ANKRD6: variants seen among roughly 807,000 people sequenced by gnomAD.
ANKRD6 encodes the protein ankyrin repeat domain 6, also known as ankyrin repeat domain-containing protein 6.
Under a neutral mutation model 82.3 loss-of-function variants are expected in ANKRD6, and 56 were observed. The observed-to-expected ratio is 0.68, with a 90% CI of 0.55 to 0.85. The LOEUF (loss-of-function observed/expected upper bound fraction) is 0.85, where lower values mean the gene tolerates loss of function less well. Among genes scored for constraint, ANKRD6 ranks in the 40% least tolerant of loss-of-function variants. The pLI, the probability that ANKRD6 is intolerant of heterozygous loss-of-function variation, is 0.00. For missense variants in ANKRD6, 852 were observed against 907.6 expected (o/e 0.94, Z 0.79); for synonymous variants, 347 against 352.1 (o/e 0.99, Z 0.16).
chr6:89,469,185 C>T (rs1775177887), intron 1 of ANKRD6, among the ~76,000 whole-genome samples: 1 of 152,190 alleles, frequency 6.6e-6, no homozygotes, highest in South Asian at 2.1e-4. Flanking sequence ...TCAATCTTGT[C>T]TAGAGTATGT....
chr6:89,498,035 T>C (rs1336666660), intron 1 of ANKRD6, among the ~76,000 whole-genome samples: 1 of 152,222 alleles, frequency 6.6e-6, no homozygotes, highest in African/African-American at 2.4e-5. Context: ...ATCCACGAAG[T>C]ATATGTTAAT....
chr6:89,619,519 C>T (rs563724476), intron 9 of ANKRD6: 4 of 152,258 alleles, frequency 2.6e-5, no homozygotes, highest in African/African-American at 9.6e-5. Flanking sequence ...GGGCAAAGAG[C>T]CTTACTGTGG....
At position 89,502,443 on chromosome 6, in the gene ANKRD6, C is replaced by T. The variant is rs371583304; in HGVS notation, c.-143-64391C>T. ...GGTGGATCGCTTGAGCCCAGGAGTTCGAGACCAGCCTGGGCAAGGTGGCGA... is the reference window on the plus strand; with the variant it reads ...GGTGGATCGCTTGAGCCCAGGAGTTTGAGACCAGCCTGGGCAAGGTGGCGA... On this transcript the variant is annotated intron_variant, in intron 1 of 15. Transcript: ENST00000339746. 5.7e-4 allele frequency among the ~76,000 whole-genome samples: 87 copies of T among 151,984 alleles called. No individual in the cohort carries two copies. The East Asian group carries it at 7.7e-3, about 14-fold the overall frequency.
chr6:89,481,076 T>C (rs1043534714), intron 1 of ANKRD6, among the ~76,000 whole-genome samples: 25 of 152,140 alleles, frequency 1.6e-4, no homozygotes, highest in African/African-American at 5.8e-4. Context: ...GTCTGCAGTT[T>C]AGGACATATT....
chr6:89,533,997 TAC>T (rs911285363), intron 1 of ANKRD6, among the ~76,000 whole-genome samples: 14 of 152,200 alleles, frequency 9.2e-5, no homozygotes, highest in African/African-American at 3.4e-4. Flanking sequence ...AGAATACGTC[TAC>T]ACACACAGAA....
In ANKRD6 at chr6:89,624,010, T is replaced by C. The variant is rs1435788424; in HGVS notation, c.1171T>C (p.Tyr391His). The C allele has an allele frequency of 5.3e-6, 8 of 1,517,248 alleles. No individual in the cohort carries two copies. The highest frequency in any genetic ancestry group is 6.2e-6 in the Non-Finnish European group (7 of 1,121,714). 94.0% of individuals were successfully genotyped at this position (1,517,248 alleles called of 1,614,324 possible). ...SPPPPHEFRAYQLYTLYRGKD... is the reference protein window; with the variant it reads ...SPPPPHEFRAHQLYTLYRGKD... Reference sequence around the variant, plus strand: ...ACCCCCACCCCATGAGTTCAGGGCGTATCAGCTCTACACATTGTACCGGGG... The same window carrying C: ...ACCCCCACCCCATGAGTTCAGGGCGCATCAGCTCTACACATTGTACCGGGG... The change falls in exon 12 of 16, where the codon TAT (tyrosine) becomes CAT (histidine). Residue 391 changes from tyrosine to histidine, a missense_variant. Transcript: ENST00000339746.
chr6:89,625,737 CTTTTTTTTTTTTTT>C (rs370616881), intron 13 of ANKRD6, among the ~76,000 whole-genome samples: 5 of 140,172 alleles, frequency 3.6e-5, no homozygotes, highest in Non-Finnish European at 7.8e-5. Context: ...TTTGTTACAA[CTTTTTTTTTTTTTT>C]TTTTTTAGAT....
intron 1 of ANKRD6, among the ~76,000 whole-genome samples, chr6:89,539,741 C>CTTTTTTTTTTTTTTT (rs570865099): frequency 9.3e-4 from 133 of 142,658 alleles, no homozygotes; most frequent in African/African-American, 3.1e-3. Flanking sequence ...AGGTCTTATT[C>CTTTTTTTTTTTTTTT]TTTTTTTTTT....
chr6:89,588,448 C>T (rs1471018233), intron 2 of ANKRD6, among the ~76,000 whole-genome samples: 1 of 152,164 alleles, frequency 6.6e-6, no homozygotes, highest in African/African-American at 2.4e-5. Flanking sequence ...TTCTCATGGT[C>T]TCTTGAAGAA....
intron 1 of ANKRD6, among the ~76,000 whole-genome samples, chr6:89,526,959 T>C (rs922718665): frequency 6.6e-6 from 1 of 152,208 alleles, no homozygotes; most frequent in South Asian, 2.1e-4. Flanking sequence ...CTCACCTACA[T>C]TGGGGAGGGC....
chr6:89,451,688 G>C (rs1772843192), intron 1 of ANKRD6, among the ~76,000 whole-genome samples: 1 of 152,140 alleles, frequency 6.6e-6, no homozygotes, highest in Non-Finnish European at 1.5e-5. Context: ...TCTTCCCTTG[G>C]TACTTAAAGA....
intron 1 of ANKRD6, among the ~76,000 whole-genome samples, chr6:89,459,647 G>A (rs1773891513): frequency 6.6e-6 from 1 of 152,124 alleles, no homozygotes; most frequent in South Asian, 2.1e-4. Flanking sequence ...CTATACAGGT[G>A]TGTGCCACCA....
intron 2 of ANKRD6, among the ~76,000 whole-genome samples, chr6:89,576,644 T>TG (rs1791170651): frequency 6.6e-6 from 1 of 152,160 alleles, no homozygotes; most frequent in South Asian, 2.1e-4. Context: ...CTTGCATTCT[T>TG]GGTGAGACAG....
chr6:89,540,668 GTGCT>G (rs1784348798), intron 1 of ANKRD6, among the ~76,000 whole-genome samples: 1 of 152,124 alleles, frequency 6.6e-6, no homozygotes, highest in Admixed American at 6.6e-5. Context: ...TTAGTTGCTT[GTGCT>G]TGCGGGGTAT....
At chr6:89,479,028 GATGA>G (rs1776445980) in intron 1 of ANKRD6, among the ~76,000 whole-genome samples, 1 of 152,064 alleles carries the variant, frequency 6.6e-6, no homozygotes, top group Non-Finnish European at 1.5e-5. Flanking sequence ...CAGACATTTG[GATGA>G]ATATTTACTT....
chr6:89,483,558 CG>C (rs1777029148), intron 1 of ANKRD6: 1 of 152,256 alleles, frequency 6.6e-6, no homozygotes, highest in Non-Finnish European at 1.5e-5. Flanking sequence ...GGGAAGTCCC[CG>C]TAAGTATTCA....
At position 89,566,998 on chromosome 6, in the gene ANKRD6, G is replaced by A. The variant is rs369619069; in HGVS notation, c.22G>A (p.Ala8Thr). Residue 8 changes from alanine to threonine, a missense_variant, in exon 2 of 16, where the codon GCT becomes ACT. Transcript: ENST00000339746. MSQQDAVAALSERLLVAA... is the reference protein window; with the variant it reads MSQQDAVTALSERLLVAA... ...ATTCATGAGCCAGCAAGATGCGGTC[G>A]CTGCACTTTCAGAGCGCCTTCTCGT... 116 of 1,599,076 alleles carry A rather than the reference G, an allele frequency of 7.3e-5. No homozygotes were observed. The highest frequency in any genetic ancestry group is 9.5e-5 in the Non-Finnish European group (111 of 1,172,558).
At chr6:89,501,711 T>C (rs1779284378) in intron 1 of ANKRD6, among the ~76,000 whole-genome samples, 1 of 152,238 alleles carries the variant, frequency 6.6e-6, no homozygotes, top group African/African-American at 2.4e-5. Context: ...TGGAGATGCT[T>C]GAAAATACTG....
intron 7 of ANKRD6, among the ~76,000 whole-genome samples, chr6:89,614,898 A>G (rs1801173191): frequency 6.6e-6 from 1 of 151,982 alleles, no homozygotes; most frequent in South Asian, 2.1e-4. Flanking sequence ...GAAGTCTTAT[A>G]ACTCCCTAAG....
Sources: gnomAD v4.1 joint callset for allele counts (sites outside exome capture counted in the v4.1 genomes callset) on GRCh38, gnomAD v4.1.1 for gene constraint, MANE v1.5 for transcripts, NCBI Gene and HGNC (gene_info 2026-07-23, HGNC 2026-07-21) for gene names.